The following TMEM72 variants were observed in gnomAD, a reference collection of about 807,000 sequenced individuals.
The protein encoded by TMEM72 is transmembrane protein 72.
Under a neutral mutation model 16.3 loss-of-function variants are expected in TMEM72, and 9 were observed. The ratio of observed to expected loss-of-function variants is 0.55; its 90% confidence interval spans 0.33 to 0.96. TMEM72 has a LOEUF of 0.96. Among genes scored for constraint, TMEM72 ranks in the 40% least tolerant of loss-of-function variants. The pLI is 0.03. For missense variants in TMEM72, 324 were observed against 337.8 expected (o/e 0.96, Z 0.32); for synonymous variants, 160 against 146.5 (o/e 1.09, Z -0.66).
In TMEM72 at chr10:44,911,366, G is replaced by A. The variant is rs545996210; in HGVS notation, c.-147G>A. The stretch of plus-strand genomic sequence containing the variant: ...CCTATTCACACCTCGGCCAGGCTGC[G>A]GTGGCCAGGACTGGTTTGGGAAGGC... On this transcript the variant is annotated 5_prime_UTR_variant, in exon 1 of 5. Transcript: ENST00000389583. 1.5e-4 allele frequency: 111 copies of A among 737,670 alleles called. No individual in the cohort carries two copies. The highest frequency in any genetic ancestry group is 1.5e-3 in the African/African-American group (86 of 57,286). 45.7% of individuals were successfully genotyped at this position (737,670 alleles called of 1,614,324 possible).
intron 1 of TMEM72, among the ~76,000 whole-genome samples, chr10:44,924,308 C>A (rs554207156): frequency 4.6e-4 from 70 of 152,368 alleles, no homozygotes; most frequent in African/African-American, 1.5e-3. Context: ...TATTCATCTT[C>A]CCTGATAGTC....
chr10:44,916,743 G>A (rs1210433446), intron 1 of TMEM72, among the ~76,000 whole-genome samples: 1 of 152,078 alleles, frequency 6.6e-6, no homozygotes, highest in Non-Finnish European at 1.5e-5. Flanking sequence ...AATGGAATCT[G>A]CCTCCCTCTG....
chr10:44,933,793 A>T lies in TMEM72; in HGVS notation c.349+17A>T. ...CCATCCCAGGTAAGAGCACAGGGGTAGAGATATGCAGCCCCAGCACAGGTG... is the reference window on the plus strand; with the variant it reads ...CCATCCCAGGTAAGAGCACAGGGGTTGAGATATGCAGCCCCAGCACAGGTG... On this transcript the variant is annotated intron_variant, in intron 4 of 4. Transcript: ENST00000389583. 1 of 1,602,542 alleles carries T rather than the reference A, an allele frequency of 6.2e-7. No homozygotes were observed. The highest frequency in any genetic ancestry group is 8.5e-7 in the Non-Finnish European group (1 of 1,171,842).
intron 2 of TMEM72, among the ~76,000 whole-genome samples, chr10:44,930,910 T>C (rs1234461014): frequency 6.6e-6 from 1 of 152,226 alleles, no homozygotes; most frequent in Non-Finnish European, 1.5e-5. Context: ...GAAACACCCA[T>C]GGCTCTGAGG....
intron 1 of TMEM72, among the ~76,000 whole-genome samples, chr10:44,918,444 A>G (rs1840043641): frequency 6.6e-6 from 1 of 152,190 alleles, no homozygotes; most frequent in Non-Finnish European, 1.5e-5. Flanking sequence ...AAACTCTTCC[A>G]GAAATTTGAA....
At chr10:44,926,903 C>G (rs770171682) in intron 1 of TMEM72, among the ~76,000 whole-genome samples, 1 of 152,068 alleles carries the variant, frequency 6.6e-6, no homozygotes, top group African/African-American at 2.4e-5. Context: ...CCCCCTTCAG[C>G]TTGAGACACC....
intron 3 of TMEM72, 91 bp downstream of exon 3, chr10:44,932,160 T>C (rs1377890158): frequency 6.9e-7 from 1 of 1,441,500 alleles, no homozygotes; most frequent in Non-Finnish European, 9.5e-7. Context: ...CCAGGGGATG[T>C]CCTGCTCCTG....
chr10:44,928,922 G>A (rs1840246600), intron 2 of TMEM72, among the ~76,000 whole-genome samples: 1 of 152,186 alleles, frequency 6.6e-6, no homozygotes, highest in Non-Finnish European at 1.5e-5. Flanking sequence ...TTGAGCTCTT[G>A]TTTAGAGAAT....
intron 2 of TMEM72, among the ~76,000 whole-genome samples, chr10:44,929,985 T>C (rs1395321972): frequency 6.6e-6 from 1 of 152,246 alleles, no homozygotes; most frequent in African/African-American, 2.4e-5. Context: ...ACCATTGCCC[T>C]GGGATCCAGA....
chr10:44,930,932 C>T (rs1300978671), intron 2 of TMEM72, among the ~76,000 whole-genome samples: 2 of 152,218 alleles, frequency 1.3e-5, no homozygotes, highest in African/African-American at 4.8e-5. Flanking sequence ...AACCCTGACC[C>T]CAAGCCACCT....
At chr10:44,928,625 C>T (rs1840240161) in intron 2 of TMEM72, among the ~76,000 whole-genome samples, 1 of 112,268 alleles carries the variant, frequency 8.9e-6, no homozygotes, top group Non-Finnish European at 2.0e-5. Context: ...TATGCACCTA[C>T]ACATCCATCC....
chr10:44,912,546 T>C (rs997283143), intron 1 of TMEM72, among the ~76,000 whole-genome samples: 3 of 152,212 alleles, frequency 2.0e-5, no homozygotes, highest in South Asian at 2.1e-4. Flanking sequence ...CACATAGTGC[T>C]TGTTCCTGCC....
intron 1 of TMEM72, among the ~76,000 whole-genome samples, chr10:44,922,191 A>G (rs1005903734): frequency 1.3e-5 from 2 of 152,162 alleles, no homozygotes; most frequent in African/African-American, 4.8e-5. Flanking sequence ...CCACAAAACA[A>G]GGAGTGGGCT....
In TMEM72 at chr10:44,932,021, T is replaced by C. The variant is rs182925685; in HGVS notation, c.161T>C (p.Ile54Thr). 1.9e-4 allele frequency: 300 copies of C among 1,613,404 alleles called. No homozygotes were observed. The African/African-American group carries it at 3.2e-3, about 17-fold the overall frequency. The part of the protein sequence containing the change: ...YLLFTGAAVS[I>T]CEGAYFVAQL... ...AGGTTTACAGGAGCCGCTGTCTCCA[T>C]ATGTGAAGGGGCCTACTTTGTGGCT... Residue 54 changes from isoleucine (I) to threonine (T), a missense_variant, in exon 3 of 5, where the codon ATA becomes ACA. Coordinates refer to ENST00000389583, the MANE Select transcript of TMEM72 (RefSeq NM_001123376.3).
intron 1 of TMEM72, among the ~76,000 whole-genome samples, chr10:44,922,520 C>A (rs1375407637): frequency 1.3e-5 from 2 of 152,232 alleles, no homozygotes; most frequent in African/African-American, 4.8e-5. Context: ...CCAGTTAGCA[C>A]ACCAGGCTAG....
At chr10:44,925,471 G>C (rs1451955389) in intron 1 of TMEM72, among the ~76,000 whole-genome samples, 1 of 152,214 alleles carries the variant, frequency 6.6e-6, no homozygotes, top group East Asian at 1.9e-4. Flanking sequence ...CATCAGCCTG[G>C]AGTCGAACAC....
At chr10:44,925,807 A>T (rs778016084) in intron 1 of TMEM72, among the ~76,000 whole-genome samples, 2 of 152,218 alleles carry the variant, frequency 1.3e-5, no homozygotes, top group Non-Finnish European at 2.9e-5. Context: ...TGCAATGATT[A>T]AACAAGCAAA....
intron 1 of TMEM72, among the ~76,000 whole-genome samples, chr10:44,923,855 C>T (rs183366805): frequency 1.3e-5 from 2 of 152,350 alleles, no homozygotes; most frequent in Admixed American, 1.3e-4. Context: ...TCTTCTGGGC[C>T]TCTATGCCAA....
intron 1 of TMEM72, among the ~76,000 whole-genome samples, chr10:44,926,436 C>A (rs150790808): frequency 6.6e-6 from 1 of 152,232 alleles, no homozygotes; most frequent in South Asian, 2.1e-4. Context: ...TGCCACAGGC[C>A]TGCTGGAAGG....
Sources: gnomAD v4.1 joint callset for allele counts (sites outside exome capture counted in the v4.1 genomes callset) on GRCh38, gnomAD v4.1.1 for gene constraint, MANE v1.5 for transcripts, NCBI Gene and HGNC (gene_info 2026-07-23, HGNC 2026-07-21) for gene names.